SMAD4: variants seen among roughly 807,000 people sequenced by gnomAD.
The protein encoded by SMAD4 is SMAD family member 4, also known as MAD homolog 4.
In SMAD4, 7 loss-of-function variants were observed where a neutral mutation model predicts 63.2. The ratio of observed to expected loss-of-function variants is 0.11; its 90% confidence interval spans 0.06 to 0.21. The LOEUF (loss-of-function observed/expected upper bound fraction) is 0.21, where lower values mean the gene tolerates loss of function less well. Among genes scored for constraint, SMAD4 ranks in the 10% least tolerant of loss-of-function variants. The pLI is 1.00. For synonymous variants in SMAD4, 215 were observed against 235.4 expected (o/e 0.91, Z 0.79); for missense variants, 312 against 693.8 (o/e 0.45, Z 6.18).
At position 51,050,825 on chromosome 18, in the gene SMAD4, G is replaced by T. The variant is rs1346394749; in HGVS notation, c.454+1501G>T. Among the ~76,000 whole-genome samples the T allele has an allele frequency of 4.8e-5, 7 of 147,192 alleles. No homozygotes were observed. The South Asian group carries it at 1.3e-3, about 27-fold the overall frequency. Reference sequence around the variant, plus strand: ...TTAGGAAGAGTATGCAATTCTACTTGTTTTTTTTTTTCCACCTTTCTCCCA... The same window carrying T: ...TTAGGAAGAGTATGCAATTCTACTTTTTTTTTTTTTTCCACCTTTCTCCCA... On this transcript the variant is annotated intron_variant, in intron 4 of 11. Transcript: ENST00000342988.
At chr18:51,063,618 G>A (rs548223792) in intron 8 of SMAD4, among the ~76,000 whole-genome samples, 12 of 152,020 alleles carry the variant, frequency 7.9e-5, no homozygotes, top group Admixed American at 7.9e-4. Context: ...TCACCATGTT[G>A]CCCAGGCTGG....
At chr18:51,038,255 G>T (rs571001757) in intron 1 of SMAD4, among the ~76,000 whole-genome samples, 59 of 150,708 alleles carry the variant, frequency 3.9e-4, no homozygotes, top group East Asian at 9.9e-4. Flanking sequence ...AGACTGTGGG[G>T]GGGGGGGCAG....
intron 7 of SMAD4, among the ~76,000 whole-genome samples, chr18:51,059,274 G>C (rs2144431565): frequency 6.6e-6 from 1 of 152,296 alleles, no homozygotes; most frequent in East Asian, 1.9e-4. Context: ...TAGTGTTGAA[G>C]GGTGCTGGGT....
intron 8 of SMAD4, among the ~76,000 whole-genome samples, chr18:51,062,851 GTTT>G (rs71171374): frequency 7.3e-3 from 480 of 65,326 alleles, no homozygotes; most frequent in African/African-American, 0.029. Context: ...GGCTTTACTT[GTTT>G]TTTTTTTTTT....
At chr18:51,076,921 T>A in intron 11 of SMAD4, 145 bp downstream of exon 11, 2 of 621,412 alleles carry the variant, frequency 3.2e-6, no homozygotes. Flanking sequence ...TGGTAAAATC[T>A]GTTCTTCTGT....
intron 1 of SMAD4, among the ~76,000 whole-genome samples, chr18:51,032,819 C>T (rs1010032670): frequency 6.6e-6 from 1 of 152,084 alleles, no homozygotes; most frequent in Non-Finnish European, 1.5e-5. Flanking sequence ...CTGCATATTT[C>T]GGCTTGTCTA....
rs1910634202 is a variant in SMAD4, at chr18:51,082,510, AT to A, written c.*4047del. ...TTATCTGGAATCACTGTGGAGTGAA[AT>A]TTTCCACATCATCCAGAATTGCCTT... On this transcript the variant is annotated 3_prime_UTR_variant, in exon 12 of 12. Coordinates refer to ENST00000342988, the MANE Select transcript of SMAD4 (RefSeq NM_005359.6). 3 of 228,824 alleles carry A rather than the reference AT, an allele frequency of 1.3e-5. No homozygotes were observed. The East Asian group carries it at 1.9e-4, about 14-fold the overall frequency. 14.2% of individuals were successfully genotyped at this position (228,824 alleles called of 1,614,324 possible).
rs786201404 is a variant in SMAD4, at chr18:51,058,427, C to T, written c.875C>T (p.Pro292Leu). The part of the protein sequence containing the change: ...HHQNGHLQHH[P>L]PMPPHPGHYW... ...CAAAACGGCCATCTTCAGCACCACC[C>T]GCCTATGCCGCCCCATCCCGGACAT... The change falls in exon 7 of 12, where the codon CCG becomes CTG. Residue 292 changes from proline to leucine, a missense_variant. Pro to Leu is a moderately conservative substitution (Grantham distance 98, BLOSUM62 -3). Coordinates refer to ENST00000342988, the MANE Select transcript of SMAD4 (RefSeq NM_005359.6). The T allele has an allele frequency of 1.1e-5, 18 of 1,613,706 alleles. No homozygotes were observed. The highest frequency in any genetic ancestry group is 2.2e-5 in the East Asian group (1 of 44,890).
rs1909919793 is a variant in SMAD4 at position 51,058,744 on chromosome 18, A to T, written c.904+288A>T. ...GTTTGTTTGCTTTGTATATGTTCTT[A>T]GATCTCATCTGTGTCTTGTATATCC... is the stretch of plus-strand genomic sequence containing the variant. On this transcript the variant is annotated intron_variant, in intron 7 of 11. Transcript: ENST00000342988. Among the ~76,000 whole-genome samples, 5 of 152,124 alleles carry T rather than the reference A, an allele frequency of 3.3e-5. No homozygotes were observed. In the South Asian group the frequency reaches 1.0e-3, roughly 31 times the overall value.
chr18:51,058,520 G>GT (rs1458970821), intron 7 of SMAD4, 64 bp downstream of exon 7: 2 of 992,038 alleles, frequency 2.0e-6, no homozygotes, highest in Non-Finnish European at 3.0e-6. Context: ...TTTGTTTTCT[G>GT]TTTTTTAAAA....
chr18:51,071,826 T>C (rs1272818928), intron 10 of SMAD4, among the ~76,000 whole-genome samples: 5 of 152,340 alleles, frequency 3.3e-5, no homozygotes, highest in East Asian at 1.9e-4. Flanking sequence ...CTACGCTCTT[T>C]GTAGATTTGC....
chr18:51,064,239 C>T (rs949915346), intron 8 of SMAD4, among the ~76,000 whole-genome samples: 4 of 152,118 alleles, frequency 2.6e-5, no homozygotes, highest in East Asian at 1.9e-4. Flanking sequence ...TCTTTGCTTT[C>T]GCTTCCTCTT....
chr18:51,061,675 T>C (rs926572766), intron 8 of SMAD4, among the ~76,000 whole-genome samples: 1 of 152,262 alleles, frequency 6.6e-6, no homozygotes, highest in African/African-American at 2.4e-5. Flanking sequence ...CAATCTTGTT[T>C]CATTCATACT....
At chr18:51,061,983 G>A (rs1321384391) in intron 8 of SMAD4, among the ~76,000 whole-genome samples, 2 of 152,152 alleles carry the variant, frequency 1.3e-5, no homozygotes, top group African/African-American at 4.8e-5. Context: ...AGAATTTCTA[G>A]ATCAAAAGGC....
chr18:51,051,563 A>G (rs1189861756), intron 4 of SMAD4: 4 of 372,206 alleles, frequency 1.1e-5, no homozygotes. Flanking sequence ...TTTAATAAGC[A>G]TGTATTGCCT....
rs1262964311 is a variant in SMAD4 at position 51,080,539 on chromosome 18, T to A, written c.*2072T>A. 1 of 206,754 alleles carries A rather than the reference T, an allele frequency of 4.8e-6. No individual in the cohort carries two copies. The highest frequency in any genetic ancestry group is 9.9e-6 in the Non-Finnish European group (1 of 101,460). The allele number at this position is 206,754 out of a possible 1,614,324, so 12.8% of individuals were successfully genotyped here. ...AAACCTTAATCATACATTGACATAA[T>A]TCATTGCTTCTTTTTTTTGAGATAT... On this transcript the variant is annotated 3_prime_UTR_variant, in exon 12 of 12. Coordinates refer to ENST00000342988, the MANE Select transcript of SMAD4 (RefSeq NM_005359.6).
chr18:51,062,872 T>TTTTG (rs1910055792), intron 8 of SMAD4, among the ~76,000 whole-genome samples: 1 of 143,738 alleles, frequency 7.0e-6, no homozygotes, highest in Non-Finnish European at 1.5e-5. Context: ...TTTTTTTTTT[T>TTTTG]TTTGAGACGG....
At chr18:51,030,811 G>A (rs1451222330) in intron 1 of SMAD4, among the ~76,000 whole-genome samples, 188 bp downstream of exon 1, 21 of 151,738 alleles carry the variant, frequency 1.4e-4, no homozygotes, top group Non-Finnish European at 1.9e-4. Context: ...CTGAATGCCG[G>A]GCGGCGGTGC....
rs1025844927 is a variant in SMAD4 at position 51,083,022 on chromosome 18, A to AT, written c.*4557dup. ...TTGATGTAGCTTAGAGTGCTTCCTG[A>AT]TTCTTGCTGAGTTTCAGGTAGTTGA... is the stretch of plus-strand genomic sequence containing the variant. On this transcript the variant is annotated 3_prime_UTR_variant, in exon 12 of 12. Transcript: ENST00000342988. The AT allele has an allele frequency of 4.4e-6, 1 of 225,554 alleles. No individual in the cohort carries two copies. The highest frequency in any genetic ancestry group is 2.2e-5 in the African/African-American group (1 of 44,930). The allele number at this position is 225,554 out of a possible 1,614,324, so 14.0% of individuals were successfully genotyped here.
Sources: allele counts gnomAD v4.1 joint callset (sites outside exome capture counted in the v4.1 genomes callset), GRCh38; gene constraint gnomAD v4.1.1; transcripts MANE v1.5; gene names NCBI Gene and HGNC (gene_info 2026-07-23, HGNC 2026-07-21).